RXFP1: variants seen among roughly 807,000 people sequenced by gnomAD.
RXFP1 encodes the protein relaxin family peptide receptor 1.
In RXFP1, 73 loss-of-function variants were observed where a neutral mutation model predicts 89.8. The observed-to-expected ratio is 0.81, with a 90% confidence interval of 0.67 to 0.99. RXFP1 has a LOEUF of 0.99. RXFP1 is among the 50% of genes least tolerant of loss of function. The pLI, the probability that RXFP1 is intolerant of heterozygous loss-of-function variation, is 0.00. For missense variants in RXFP1, 793 were observed against 895.5 expected, an observed-to-expected ratio of 0.89 and a Z score of 1.46; for synonymous variants, 277 against 305.5, an observed-to-expected ratio of 0.91 and a Z score of 0.97.
intron 1 of RXFP1, among the ~76,000 whole-genome samples, chr4:158,523,144 G>A (rs1741598218): frequency 6.6e-6 from 1 of 152,060 alleles, no homozygotes; most frequent in African/African-American, 2.4e-5. Context: ...TTTTTTAACT[G>A]AAGGGAAAAC....
chr4:158,549,441 T>C (rs191119687), intron 1 of RXFP1, among the ~76,000 whole-genome samples: 123 of 152,356 alleles, frequency 8.1e-4, no homozygotes, highest in Non-Finnish European at 1.4e-3. Context: ...GAAGCCTTCT[T>C]CTCTCAGCTC....
chr4:158,541,350 G>GCGCACACACA (rs1746564631), intron 1 of RXFP1, among the ~76,000 whole-genome samples: 1 of 139,886 alleles, frequency 7.1e-6, no homozygotes, highest in South Asian at 2.3e-4. Flanking sequence ...AGAGCTTCAT[G>GCGCACACACA]CACACACACA....
intron 14 of RXFP1, among the ~76,000 whole-genome samples, chr4:158,642,973 C>T (rs1171487846): frequency 6.6e-6 from 1 of 152,114 alleles, no homozygotes; most frequent in African/African-American, 2.4e-5. Flanking sequence ...TTACATAGGG[C>T]CCAAAAGATT....
intron 10 of RXFP1, among the ~76,000 whole-genome samples, chr4:158,627,723 C>T (rs2150189120): frequency 6.6e-6 from 1 of 152,122 alleles, no homozygotes; most frequent in East Asian, 1.9e-4. Flanking sequence ...CAATGAGTTC[C>T]AGTTTGAACT....
intron 16 of RXFP1, 38 bp from the exon 17 acceptor site, chr4:158,648,461 T>G: frequency 1.7e-6 from 2 of 1,203,360 alleles, no homozygotes; most frequent in African/African-American, 3.1e-5. Context: ...GAAAGAAATA[T>G]TTCTATGCAT....
chr4:158,565,401 G>T (rs1304281578), intron 1 of RXFP1, among the ~76,000 whole-genome samples: 1 of 152,130 alleles, frequency 6.6e-6, no homozygotes, highest in African/African-American at 2.4e-5. Flanking sequence ...TCCACTGAGA[G>T]ACCTGGTGGC....
At chr4:158,640,035 A>C (rs1350431936) in intron 14 of RXFP1, among the ~76,000 whole-genome samples, 2 of 152,192 alleles carry the variant, frequency 1.3e-5, no homozygotes, top group East Asian at 3.8e-4. Flanking sequence ...AGAAATGAAC[A>C]TTTGTCGTCT....
At chr4:158,601,911 A>G (rs1409292396) in intron 4 of RXFP1, among the ~76,000 whole-genome samples, 1 of 152,182 alleles carries the variant, frequency 6.6e-6, no homozygotes, top group Admixed American at 6.5e-5. Context: ...ACTATTTGAG[A>G]CTTGGCTTTA....
intron 8 of RXFP1, among the ~76,000 whole-genome samples, chr4:158,613,559 G>A (rs750248470): frequency 6.6e-6 from 1 of 152,186 alleles, no homozygotes; most frequent in African/African-American, 2.4e-5. Context: ...TCCATAAGAA[G>A]CAACTCCTCA....
chr4:158,555,287 G>T (rs1360435383), intron 1 of RXFP1, among the ~76,000 whole-genome samples: 1 of 152,154 alleles, frequency 6.6e-6, no homozygotes, highest in African/African-American at 2.4e-5. Context: ...TAGTTCCCAA[G>T]AAATGTGTAT....
intron 9 of RXFP1, among the ~76,000 whole-genome samples, chr4:158,622,915 T>C (rs1007331690): frequency 1.3e-5 from 2 of 152,214 alleles, no homozygotes; most frequent in Non-Finnish European, 2.9e-5. Context: ...TGCTTGGTTG[T>C]AGTAATCAGT....
intron 1 of RXFP1, among the ~76,000 whole-genome samples, chr4:158,529,240 G>T (rs377111380): frequency 3.7e-5 from 5 of 134,022 alleles, no homozygotes; most frequent in Non-Finnish European, 7.6e-5. Context: ...TTGCTTGCTT[G>T]TTTTTTGTTG....
chr4:158,526,313 C>T (rs1742494864), intron 1 of RXFP1, among the ~76,000 whole-genome samples: 1 of 152,212 alleles, frequency 6.6e-6, no homozygotes, highest in Admixed American at 6.5e-5. Context: ...TTAATTCCTA[C>T]ATTAGTTTAC....
chr4:158,605,247 TC>T, intron 5 of RXFP1, 108 bp downstream of exon 5: 1 of 540,188 alleles, frequency 1.9e-6, no homozygotes, highest in Admixed American at 3.3e-5. Flanking sequence ...TTGTGTCTAA[TC>T]CCTATTCAGG....
At chr4:158,623,317 G>T (rs1296774323) in intron 9 of RXFP1, among the ~76,000 whole-genome samples, 4 of 147,412 alleles carry the variant, frequency 2.7e-5, no homozygotes, top group African/African-American at 1.0e-4. Flanking sequence ...TGACTAACAC[G>T]GTGAAACCCT....
chr4:158,547,789 G>A (rs542952306), intron 1 of RXFP1, among the ~76,000 whole-genome samples: 3 of 152,224 alleles, frequency 2.0e-5, no homozygotes, highest in Non-Finnish European at 4.4e-5. Context: ...CTGAGTTCTA[G>A]TTTGATCGCA....
chr4:158,557,807 C>T (rs1169595200), intron 1 of RXFP1, among the ~76,000 whole-genome samples: 1 of 152,186 alleles, frequency 6.6e-6, no homozygotes, highest in Non-Finnish European at 1.5e-5. Flanking sequence ...GAGCCAAATG[C>T]CTCATCATTG....
chr4:158,547,480 G>C (rs1026025176), intron 1 of RXFP1, among the ~76,000 whole-genome samples: 4 of 151,738 alleles, frequency 2.6e-5, no homozygotes, highest in Non-Finnish European at 5.9e-5. Context: ...GTTATTTCTT[G>C]CTTCCTGCTA....
intron 4 of RXFP1, among the ~76,000 whole-genome samples, chr4:158,603,589 A>T (rs1427279826): frequency 6.6e-6 from 1 of 151,824 alleles, no homozygotes; most frequent in East Asian, 1.9e-4. Context: ...CTCCTGTGAA[A>T]TTTTAATACT....
Sources: allele counts gnomAD v4.1 joint callset (sites outside exome capture counted in the v4.1 genomes callset), GRCh38; gene constraint gnomAD v4.1.1; transcripts MANE v1.5; gene names NCBI Gene and HGNC (gene_info 2026-07-23, HGNC 2026-07-21).